Variants in DNAJC7 observed in about 807,000 individuals in gnomAD.
The protein encoded by DNAJC7 is dnaJ homolog subfamily C member 7.
In DNAJC7, 18 loss-of-function variants were observed where a neutral mutation model predicts 67.4. That is an observed-to-expected ratio of 0.27 (90% CI 0.18 to 0.40). The LOEUF (loss-of-function observed/expected upper bound fraction) is 0.40. DNAJC7 is among the 10% of genes least tolerant of loss of function. The pLI, the probability that DNAJC7 is intolerant of heterozygous loss-of-function variation, is 1.00. For missense variants in DNAJC7, 419 were observed against 613.8 expected (o/e 0.68, Z 3.35); for synonymous variants, 220 against 207.8 (o/e 1.06, Z -0.50).
chr17:42,009,600 T>C (rs782412551), intron 1 of DNAJC7, among the ~76,000 whole-genome samples: 1 of 152,222 alleles, frequency 6.6e-6, no homozygotes, highest in African/African-American at 2.4e-5. Context: ...ATCTATTACA[T>C]CTACCTAACC....
chr17:42,003,634 GC>G (rs2051865592), intron 1 of DNAJC7: 1 of 152,118 alleles, frequency 6.6e-6, no homozygotes, highest in Non-Finnish European at 1.5e-5. Flanking sequence ...CTCACTCACT[GC>G]CAGGGTCAAT....
intron 1 of DNAJC7, among the ~76,000 whole-genome samples, chr17:42,010,109 ACTCCAGCCTGGAGACACAGC>A (rs1555650870): frequency 3.9e-4 from 60 of 151,934 alleles, no homozygotes; most frequent in Admixed American, 6.6e-4. Flanking sequence ...GCCATTGCAC[ACTCCAGCCTGGAGACACAGC>A]AAGACTCCAT....
Position 41,988,916 on chromosome 17 carries a change from G to A in DNAJC7, c.754-20C>T, listed in dbSNP as rs1303394348. 1 of 1,612,214 alleles carries A rather than the reference G, an allele frequency of 6.2e-7. No individual in the cohort carries two copies. Among genetic ancestry groups the A allele is most frequent in the Non-Finnish European group, 8.5e-7 (1 of 1,179,558 alleles). On this transcript the variant is annotated intron_variant, in intron 7 of 13. Transcript: ENST00000457167. The stretch of plus-strand genomic sequence containing the variant: ...GGCATTCTACAGAAAAAAGCAAGGG[G>A]AGGATCGGTTCATATCCACAAAGCC...
chr17:42,017,194 C>G (rs1598162586), intron 1 of DNAJC7, 146 bp downstream of exon 1: 1 of 1,574,382 alleles, frequency 6.4e-7, no homozygotes, highest in East Asian at 2.3e-5. Flanking sequence ...TTCAGGGGGT[C>G]CATCCGGCCT....
intron 10 of DNAJC7, among the ~76,000 whole-genome samples, chr17:41,982,694 G>A (rs113558449): frequency 1.4e-4 from 21 of 152,260 alleles, no homozygotes; most frequent in African/African-American, 4.6e-4. Flanking sequence ...GAAAGGAGGG[G>A]CCCTTGGCCC....
At chr17:41,980,948 C>T (rs529975913) in intron 12 of DNAJC7, among the ~76,000 whole-genome samples, 3 of 152,232 alleles carry the variant, frequency 2.0e-5, no homozygotes, top group Admixed American at 6.5e-5. Flanking sequence ...AGCTACTTGC[C>T]GGCCTTCCAC....
chr17:42,017,235 G>A (rs2052328050), intron 1 of DNAJC7, 105 bp downstream of exon 1: 2 of 1,599,638 alleles, frequency 1.3e-6, no homozygotes, highest in South Asian at 1.1e-5. Flanking sequence ...TTTGCGGAGG[G>A]CGGGGCATCG....
At chr17:41,996,918 C>T (rs577165642) in intron 3 of DNAJC7, among the ~76,000 whole-genome samples, 197 bp downstream of exon 3, 4 of 152,296 alleles carry the variant, frequency 2.6e-5, no homozygotes, top group Non-Finnish European at 4.4e-5. Flanking sequence ...TACAACTGGG[C>T]AGAGGGGGTG....
At chr17:41,994,075 C>T (rs1371019598) in intron 5 of DNAJC7, among the ~76,000 whole-genome samples, 2 of 149,432 alleles carry the variant, frequency 1.3e-5, no homozygotes, top group Non-Finnish European at 3.0e-5. Context: ...CGGTGGCTCA[C>T]GCCTGTAATC....
chr17:42,010,753 AAG>A (rs2052095224), intron 1 of DNAJC7, among the ~76,000 whole-genome samples: 1 of 152,128 alleles, frequency 6.6e-6, no homozygotes, highest in Non-Finnish European at 1.5e-5. Flanking sequence ...TATTAGAATC[AAG>A]AGAGATGGTT....
intron 13 of DNAJC7, 154 bp downstream of exon 13, chr17:41,977,107 T>A (rs2051104967): frequency 3.7e-6 from 3 of 811,300 alleles, no homozygotes; most frequent in Non-Finnish European, 5.8e-6. Flanking sequence ...CCTGTCTTCA[T>A]CCTTAGCAAC....
At chr17:42,010,496 A>AAT (rs1238601599) in intron 1 of DNAJC7, among the ~76,000 whole-genome samples, 25 of 151,800 alleles carry the variant, frequency 1.6e-4, no homozygotes, top group South Asian at 4.2e-4. Flanking sequence ...CTGTCTCAAA[A>AAT]ATATATATAT....
chr17:41,996,203 G>A (rs2051653127), intron 4 of DNAJC7, 108 bp downstream of exon 4: 5 of 1,052,166 alleles, frequency 4.8e-6, no homozygotes, highest in Non-Finnish European at 7.1e-6. Flanking sequence ...TCACCCAGGT[G>A]TGCTGATGGC....
At chr17:42,007,866 A>ATG (rs2143323060) in intron 1 of DNAJC7, among the ~76,000 whole-genome samples, 1 of 124,474 alleles carries the variant, frequency 8.0e-6, no homozygotes, top group East Asian at 2.5e-4. Context: ...TTTTTTTGAG[A>ATG]CAGAATTTCG....
intron 1 of DNAJC7, among the ~76,000 whole-genome samples, chr17:42,007,956 C>T (rs2052014255): frequency 6.7e-6 from 1 of 148,204 alleles, no homozygotes; most frequent in South Asian, 2.2e-4. Context: ...ACTGATTCTC[C>T]TGTCTCAGCC....
chr17:41,983,702 T>C, intron 9 of DNAJC7, 66 bp from the exon 10 acceptor site: 1 of 1,432,524 alleles, frequency 7.0e-7, no homozygotes, highest in South Asian at 1.3e-5. Flanking sequence ...AGGATCACTC[T>C]AGGGCAAGAG....
chr17:41,978,990 C>T (rs976707360), intron 12 of DNAJC7, among the ~76,000 whole-genome samples: 1 of 152,162 alleles, frequency 6.6e-6, no homozygotes, highest in African/African-American at 2.4e-5. Flanking sequence ...AACACAAATA[C>T]CCCCACACTG....
At chr17:42,001,702 T>C (rs1254274102) in intron 1 of DNAJC7, among the ~76,000 whole-genome samples, 1 of 152,222 alleles carries the variant, frequency 6.6e-6, no homozygotes, top group East Asian at 1.9e-4. Context: ...TTCTTAAACC[T>C]TGGTGATGGT....
intron 2 of DNAJC7, among the ~76,000 whole-genome samples, chr17:42,000,128 T>TA (rs2051770275): frequency 7.1e-6 from 1 of 141,554 alleles, no homozygotes; most frequent in African/African-American, 2.6e-5. Context: ...CTATTTTTTT[T>TA]ATCTTTTTGA....
Sources: allele counts gnomAD v4.1 joint callset (sites outside exome capture counted in the v4.1 genomes callset), GRCh38; gene constraint gnomAD v4.1.1; transcripts MANE v1.5; gene names NCBI Gene and HGNC (gene_info 2026-07-23, HGNC 2026-07-21).